Variants in SCN9A observed in about 807,000 individuals in gnomAD.
SCN9A encodes sodium voltage-gated channel alpha subunit 9, also known as sodium channel protein type 9 subunit alpha.
A neutral mutation model predicts 187.0 loss-of-function variants in SCN9A; 131 were observed. That is an observed-to-expected ratio of 0.70 (90% CI 0.61 to 0.81). The LOEUF (loss-of-function observed/expected upper bound fraction) is 0.81, where lower values mean the gene tolerates loss of function less well. Among genes scored for constraint, SCN9A ranks in the 30% least tolerant of loss-of-function variants. The pLI is 0.00. For missense variants in SCN9A, 2,252 were observed against 2,396.6 expected (o/e 0.94, Z 1.26); for synonymous variants, 809 against 808.6 (o/e 1.00, Z -0.01).
intron 1 of SCN9A, among the ~76,000 whole-genome samples, chr2:166,366,325 AT>A (rs1465051229): frequency 6.6e-6 from 1 of 152,180 alleles, no homozygotes; most frequent in Non-Finnish European, 1.5e-5. Context: ...TTCTAGGTCC[AT>A]GCATGCTGTC....
chr2:166,299,128 C>T (rs944249468), intron 7 of SCN9A, among the ~76,000 whole-genome samples: 2 of 152,178 alleles, frequency 1.3e-5, no homozygotes, highest in Non-Finnish European at 2.9e-5. Context: ...GACTTGACTT[C>T]TCCCTCTCTC....
intron 18 of SCN9A, among the ~76,000 whole-genome samples, chr2:166,244,644 G>T (rs1348648749): frequency 6.6e-6 from 1 of 151,806 alleles, no homozygotes; most frequent in Non-Finnish European, 1.5e-5. Context: ...ATTCTCTCTG[G>T]ACAGTAGTAA....
intron 18 of SCN9A, among the ~76,000 whole-genome samples, chr2:166,245,543 G>A (rs1242656175): frequency 6.6e-6 from 1 of 151,228 alleles, no homozygotes; most frequent in Non-Finnish European, 1.5e-5. Context: ...GAGAATGATT[G>A]AAACATTGAA....
intron 1 of SCN9A, among the ~76,000 whole-genome samples, chr2:166,329,486 A>G (rs1220784530): frequency 6.6e-6 from 1 of 151,936 alleles, no homozygotes; most frequent in East Asian, 1.9e-4. Context: ...TGTAGATAGT[A>G]AAAAAAAGGT....
intron 11 of SCN9A, 133 bp downstream of exon 11, chr2:166,286,203 T>C: frequency 1.2e-6 from 1 of 819,282 alleles, no homozygotes. Flanking sequence ...TGCCTAGCGA[T>C]ACTAGGTTTT....
Position 166,227,736 on chromosome 2 carries a change from CATT to C in SCN9A, c.4207-16_4207-14del. ...CCTTAAAAGTTGCCTTTAAGAATAA[CATT>C]AATAGAATTTGAATGTTAAGCTCAT... On this transcript the variant is annotated splice_polypyrimidine_tract_variant and intron_variant, in intron 22 of 26. Transcript: ENST00000642356. 7.3e-7 allele frequency: 1 copy of C among 1,361,268 alleles called. No homozygotes were observed. The highest frequency in any genetic ancestry group is 1.0e-6 in the Non-Finnish European group (1 of 972,696). The allele number at this position is 1,361,268 out of a possible 1,614,324, so 84.3% of individuals were successfully genotyped here.
chr2:166,258,112 C>T (rs1017635557), intron 17 of SCN9A, among the ~76,000 whole-genome samples: 2 of 151,320 alleles, frequency 1.3e-5, no homozygotes, highest in Admixed American at 6.6e-5. Context: ...AAAATATGAA[C>T]TAGATTATAA....
chr2:166,218,071 C>T (rs1694413961), intron 24 of SCN9A, among the ~76,000 whole-genome samples: 1 of 151,988 alleles, frequency 6.6e-6, no homozygotes, highest in East Asian at 1.9e-4. Context: ...TACATGCAAC[C>T]TGTACCCATC....
Position 166,311,639 on chromosome 2 carries a change from T to C in SCN9A, c.118A>G (p.Lys40Glu), listed in dbSNP as rs371565974. 68 of 1,613,314 alleles carry C rather than the reference T, an allele frequency of 4.2e-5. No homozygotes were observed. The highest frequency in any genetic ancestry group is 5.5e-5 in the Non-Finnish European group (65 of 1,179,782). The change falls in exon 2 of 27, where the codon AAA (lysine) becomes GAA (glutamate). Residue 40 changes from lysine (K) to glutamate (E), a missense_variant. Coordinates refer to ENST00000642356, the MANE Select transcript of SCN9A (RefSeq NM_001365536.1). ...RKSKEPKEEKKDDDEEAPKPS... is the reference protein window; with the variant it reads ...RKSKEPKEEKEDDDEEAPKPS... ...TTTGGGGCTTCTTCATCATCATCTT[T>C]CTTTTCTTCTTTGGGTTCCTTTGAT...
intron 24 of SCN9A, chr2:166,204,959 T>G (rs191163410): frequency 1.3e-5 from 2 of 152,240 alleles, no homozygotes; most frequent in Non-Finnish European, 2.9e-5. Context: ...ACAAGGGATG[T>G]GAAGGACCTC....
intron 24 of SCN9A, among the ~76,000 whole-genome samples, chr2:166,218,450 A>G (rs1018533930): frequency 2.6e-5 from 4 of 152,152 alleles, no homozygotes; most frequent in African/African-American, 4.8e-5. Flanking sequence ...TGAGAAGTCA[A>G]CATTACAGAA....
chr2:166,253,765 A>T (rs1403073643), intron 17 of SCN9A, among the ~76,000 whole-genome samples: 1 of 151,770 alleles, frequency 6.6e-6, no homozygotes, highest in Non-Finnish European at 1.5e-5. Context: ...ATTTCTGAAA[A>T]AAGAATTATT....
intron 11 of SCN9A, 78 bp from the exon 12 acceptor site, chr2:166,284,902 C>T: frequency 7.0e-7 from 1 of 1,436,520 alleles, no homozygotes; most frequent in Non-Finnish European, 9.2e-7. Flanking sequence ...ACCACTGAAC[C>T]CACTGGCCTG....
intron 16 of SCN9A, among the ~76,000 whole-genome samples, chr2:166,276,031 C>T (rs1340375509): frequency 6.6e-6 from 1 of 152,200 alleles, no homozygotes; most frequent in South Asian, 2.1e-4. Flanking sequence ...TGATGTCAAG[C>T]TGACCAACTG....
At chr2:166,371,970 C>G (rs1331144257) in intron 1 of SCN9A, among the ~76,000 whole-genome samples, 1 of 152,056 alleles carries the variant, frequency 6.6e-6, no homozygotes, top group African/African-American at 2.4e-5. Context: ...AGTTTGTCAC[C>G]TAATTGAAAG....
At chr2:166,266,670 A>G (rs1184716001) in intron 17 of SCN9A, among the ~76,000 whole-genome samples, 1 of 151,672 alleles carries the variant, frequency 6.6e-6, no homozygotes, top group Non-Finnish European at 1.5e-5. Flanking sequence ...ACATTTTAAA[A>G]ATAATAATTA....
intron 24 of SCN9A, among the ~76,000 whole-genome samples, chr2:166,223,780 C>T (rs1423893293): frequency 6.6e-6 from 1 of 152,104 alleles, no homozygotes; most frequent in African/African-American, 2.4e-5. Context: ...AAGGATACCA[C>T]TTTCATTTGT....
At chr2:166,322,676 A>G (rs1699273442) in intron 1 of SCN9A, among the ~76,000 whole-genome samples, 5 of 152,100 alleles carry the variant, frequency 3.3e-5, no homozygotes, top group Admixed American at 3.3e-4. Context: ...AAAATATATT[A>G]ATTATATTAA....
Position 166,269,243 on chromosome 2 carries a change from CAG to C in SCN9A, c.3351+3154_3351+3155del, listed in dbSNP as rs1191800406. The stretch of plus-strand genomic sequence containing the variant: ...TCGGAAGGGCTCATGGAATAAGTGA[CAG>C]AGTAATTTTATGAATGGTTAAAATA... On this transcript the variant is annotated intron_variant, in intron 17 of 26. Transcript: ENST00000642356. Among the ~76,000 whole-genome samples, 4 of 151,952 alleles carry C rather than the reference CAG, an allele frequency of 2.6e-5. No individual in the cohort carries two copies. In the East Asian group the frequency reaches 5.8e-4, roughly 22 times the overall value.
Sources: allele counts gnomAD v4.1 joint callset (sites outside exome capture counted in the v4.1 genomes callset), GRCh38; gene constraint gnomAD v4.1.1; transcripts MANE v1.5; gene names NCBI Gene and HGNC (gene_info 2026-07-23, HGNC 2026-07-21).